The following NLRP3 variants were observed in gnomAD, a reference collection of about 807,000 sequenced individuals.
NLRP3 encodes NACHT, LRR and PYD domains-containing protein 3.
In NLRP3, 48 loss-of-function variants were observed where a neutral mutation model predicts 91.3. The observed-to-expected ratio is 0.53, with a 90% CI of 0.42 to 0.67. The LOEUF is 0.67. Ranked by LOEUF, NLRP3 falls within the 30% of genes least tolerant of loss-of-function variation. The probability of loss-of-function intolerance (pLI) is 0.00; values close to 1 mark genes in which losing one functional copy is unlikely to be tolerated. For synonymous variants in NLRP3, 561 were observed against 507.9 expected, an observed-to-expected ratio of 1.10 and a Z score of -1.41; for missense variants, 982 against 1,276.9, an observed-to-expected ratio of 0.77 and a Z score of 3.52.
chr1:247,430,531 C>T (rs1329753113), intron 5 of NLRP3, among the ~76,000 whole-genome samples: 1 of 152,040 alleles, frequency 6.6e-6, no homozygotes, highest in East Asian at 1.9e-4. Flanking sequence ...AGGGCTTCAA[C>T]ATGTAAATTT....
In NLRP3 at chr1:247,428,234, A is replaced by G. The variant is rs569184577; in HGVS notation, c.2151-1351A>G. On this transcript the variant is annotated intron_variant, in intron 4 of 9. Coordinates refer to ENST00000336119, the MANE Select transcript of NLRP3 (RefSeq NM_001243133.2). ...TAGGGGGCTCAGCACCCATCCCTCT[A>G]GATGGCACCTGCCTTACTCTGAGGA... Among the ~76,000 whole-genome samples the G allele has an allele frequency of 8.6e-5, 13 of 150,962 alleles. No homozygotes were observed. In the East Asian group the frequency reaches 2.4e-3, roughly 27 times the overall value.
chr1:247,429,355 C>T (rs781181825), intron 4 of NLRP3, among the ~76,000 whole-genome samples: 4 of 152,078 alleles, frequency 2.6e-5, no homozygotes, highest in East Asian at 1.9e-4. Context: ...TGCCACAGTC[C>T]GCCACAGTCA....
In NLRP3 at chr1:247,423,311, A is replaced by G; in HGVS notation, c.359A>G (p.Glu120Gly). The change falls in exon 3 of 10, where the codon GAG becomes GGG. Residue 120 changes from glutamate to glycine, a missense_variant. Glu to Gly is a moderately conservative substitution (Grantham distance 98). Transcript: ENST00000336119. ...SIEEEWMGLLEYLSRISICKM... is the reference protein window; with the variant it reads ...SIEEEWMGLLGYLSRISICKM... The stretch of plus-strand genomic sequence containing the variant: ...GAAGAGGAGTGGATGGGTTTACTGG[A>G]GTACCTTTCGAGAATCTCTATTTGT... 1.3e-6 allele frequency: 2 copies of G among 1,594,176 alleles called. No individual in the cohort carries two copies. Among genetic ancestry groups the G allele is most frequent in the Non-Finnish European group, 1.7e-6 (2 of 1,167,130 alleles).
intron 7 of NLRP3, among the ~76,000 whole-genome samples, chr1:247,442,494 A>G (rs969953011): frequency 4.6e-5 from 7 of 152,268 alleles, no homozygotes; most frequent in Admixed American, 2.0e-4. Flanking sequence ...TAGTACATCA[A>G]AACTCTTAAT....
intron 7 of NLRP3, among the ~76,000 whole-genome samples, chr1:247,438,174 G>A (rs933533136): frequency 2.6e-5 from 4 of 152,156 alleles, no homozygotes; most frequent in Non-Finnish European, 4.4e-5. Context: ...GTCCTTATAG[G>A]TCGTACAGGT....
intron 4 of NLRP3, among the ~76,000 whole-genome samples, chr1:247,426,205 A>G (rs1315821503): frequency 6.6e-6 from 1 of 152,158 alleles, no homozygotes; most frequent in African/African-American, 2.4e-5. Flanking sequence ...AAAAAACATG[A>G]TGAAGGTAAA....
intron 7 of NLRP3, among the ~76,000 whole-genome samples, chr1:247,436,341 T>G (rs990881272): frequency 6.6e-6 from 1 of 152,218 alleles, no homozygotes; most frequent in Non-Finnish European, 1.5e-5. Context: ...TTTATGATTA[T>G]AGAACTAGAG....
intron 3 of NLRP3, among the ~76,000 whole-genome samples, chr1:247,423,603 T>C (rs578126939): frequency 6.6e-6 from 1 of 152,242 alleles, no homozygotes; most frequent in Non-Finnish European, 1.5e-5. Context: ...CTTAAAGGAA[T>C]AAGATTGATT....
chr1:247,430,154 G>A (rs1337877723), intron 5 of NLRP3, among the ~76,000 whole-genome samples: 2 of 152,174 alleles, frequency 1.3e-5, no homozygotes, highest in Non-Finnish European at 2.9e-5. Context: ...GGGATTACAG[G>A]CATGAGCCAC....
intron 2 of NLRP3, among the ~76,000 whole-genome samples, chr1:247,419,572 C>G (rs1384945289): frequency 6.6e-6 from 1 of 152,180 alleles, no homozygotes; most frequent in East Asian, 1.9e-4. Flanking sequence ...AATGATAACT[C>G]CTCATTGCCT....
intron 9 of NLRP3, among the ~76,000 whole-genome samples, chr1:247,447,216 C>T (rs190500975): frequency 1.4e-4 from 22 of 152,232 alleles, no homozygotes; most frequent in Non-Finnish European, 2.8e-4. Context: ...TGGTTGCTGG[C>T]GAGAGTCCTC....
chr1:247,434,657 A>G (rs1445593463), intron 6 of NLRP3, among the ~76,000 whole-genome samples: 1 of 152,208 alleles, frequency 6.6e-6, no homozygotes, highest in African/African-American at 2.4e-5. Flanking sequence ...TCGATGTTGT[A>G]TGCAGCCCTT....
At chr1:247,446,168 G>A (rs1267175262) in intron 9 of NLRP3, among the ~76,000 whole-genome samples, 1 of 152,136 alleles carries the variant, frequency 6.6e-6, no homozygotes, top group African/African-American at 2.4e-5. Flanking sequence ...CACATCCTGT[G>A]AGCTCTGCCT....
intron 5 of NLRP3, 134 bp downstream of exon 5, chr1:247,429,889 T>C (rs1300061279): frequency 8.3e-7 from 1 of 1,198,984 alleles, no homozygotes; most frequent in Non-Finnish European, 1.2e-6. Context: ...TTTTTCTTTT[T>C]TTGAGGCAGA....
intron 5 of NLRP3, among the ~76,000 whole-genome samples, chr1:247,430,268 A>C (rs1409445181): frequency 1.3e-5 from 2 of 152,206 alleles, no homozygotes; most frequent in African/African-American, 4.8e-5. Context: ...CCGAAAGTCT[A>C]AGATCAAGGT....
chr1:247,417,260 C>T (rs1373482133), intron 1 of NLRP3, among the ~76,000 whole-genome samples: 2 of 152,100 alleles, frequency 1.3e-5, no homozygotes, highest in Non-Finnish European at 2.9e-5. Flanking sequence ...GTTCTAAACC[C>T]CTCGGCAGGC....
intron 9 of NLRP3, 115 bp from the exon 10 acceptor site, chr1:247,448,290 T>TTA (rs1664734198): frequency 2.2e-6 from 1 of 455,810 alleles, no homozygotes; most frequent in Non-Finnish European, 4.0e-6. Flanking sequence ...TTTTTTTTTT[T>TTA]ACATTTTAGA....
In NLRP3 at chr1:247,425,036, C is replaced by T. The variant is rs1662761729; in HGVS notation, c.1587C>T (p.Ala529=). 2 of 1,614,162 alleles carry T rather than the reference C, an allele frequency of 1.2e-6. No individual in the cohort carries two copies. Among genetic ancestry groups the T allele is most frequent in the East Asian group, 4.5e-5 (2 of 44,882 alleles). Residue 529 remains alanine (A), a synonymous_variant, in exon 4 of 10, where the codon GCC becomes GCT. Coordinates refer to ENST00000336119, the MANE Select transcript of NLRP3 (RefSeq NM_001243133.2). The surrounding 1 kb of genome is among the most constrained non-coding windows in gnomAD (Gnocchi z 4.1). Reference sequence around the variant, plus strand: ...TGACTTTCCAGGAGTTCTTTGCCGCCATGTACTACCTGCTGGAAGAGGAAA... The same window carrying T: ...TGACTTTCCAGGAGTTCTTTGCCGCTATGTACTACCTGCTGGAAGAGGAAA... ...IHMTFQEFFA[A]MYYLLEEEKE...
intron 9 of NLRP3, 116 bp from the exon 10 acceptor site, chr1:247,448,289 T>TCC: frequency 2.0e-6 from 1 of 500,404 alleles, no homozygotes. Context: ...TTTTTTTTTT[T>TCC]TACATTTTAG....
Sources: gnomAD v4.1 joint callset for allele counts (sites outside exome capture counted in the v4.1 genomes callset) on GRCh38, gnomAD v4.1.1 for gene constraint, Gnocchi (gnomAD v3.1) non-coding constraint, MANE v1.5 for transcripts, NCBI Gene and HGNC (gene_info 2026-07-23, HGNC 2026-07-21) for gene names.